The following ARNT2 variants were observed in gnomAD, a reference collection of about 807,000 sequenced individuals.
ARNT2 encodes aryl hydrocarbon receptor nuclear translocator 2.
In ARNT2, 36 loss-of-function variants were observed where a neutral mutation model predicts 91.7. The ratio of observed to expected loss-of-function variants is 0.39; its 90% CI spans 0.30 to 0.52. The LOEUF is 0.52. ARNT2 is among the 20% of genes least tolerant of loss of function. The pLI is 0.72. For missense variants in ARNT2, 775 were observed against 939.3 expected (o/e 0.83, Z 2.29); for synonymous variants, 365 against 347.1 (o/e 1.05, Z -0.57).
chr15:80,475,847 A>G (rs74027984), intron 5 of ARNT2, among the ~76,000 whole-genome samples: 9,991 of 152,270 alleles, frequency 0.066, 775 homozygotes, highest in African/African-American at 0.18. Context: ...GACCATAAAC[A>G]TTCATTACCC....
chr15:80,568,287 C>T (rs1047853430), intron 12 of ARNT2, among the ~76,000 whole-genome samples: 18 of 152,316 alleles, frequency 1.2e-4, no homozygotes, highest in African/African-American at 2.6e-4. Flanking sequence ...TACATGGGCA[C>T]GACCTAGCTG....
intron 5 of ARNT2, among the ~76,000 whole-genome samples, chr15:80,504,926 G>A (rs551768586): frequency 5.5e-4 from 84 of 152,288 alleles, no homozygotes; most frequent in South Asian, 2.9e-3. Flanking sequence ...GGATGGCATA[G>A]GGTGAGGAGG....
chr15:80,559,488 G>A (rs992081302), intron 11 of ARNT2, among the ~76,000 whole-genome samples: 2 of 152,212 alleles, frequency 1.3e-5, no homozygotes, highest in Non-Finnish European at 1.5e-5. Context: ...AAAGGGAAGT[G>A]GCTTCTTCTT....
intron 5 of ARNT2, among the ~76,000 whole-genome samples, chr15:80,481,921 A>G (rs1896897512): frequency 6.6e-6 from 1 of 152,024 alleles, no homozygotes. Flanking sequence ...TTTTTTGTAG[A>G]GACAAGGTCT....
chr15:80,546,634 G>T (rs1371730640), intron 8 of ARNT2, among the ~76,000 whole-genome samples: 3 of 152,178 alleles, frequency 2.0e-5, no homozygotes, highest in South Asian at 2.1e-4. Context: ...ATCTCGACTA[G>T]AGACATAGTC....
chr15:80,407,028 A>C (rs769353984), intron 1 of ARNT2, among the ~76,000 whole-genome samples: 4 of 152,118 alleles, frequency 2.6e-5, no homozygotes, highest in Non-Finnish European at 5.9e-5. Flanking sequence ...CAAGCTTGTC[A>C]CCCAGAGCCT....
intron 17 of ARNT2, among the ~76,000 whole-genome samples, chr15:80,585,165 C>T (rs1223562629): frequency 6.6e-6 from 1 of 152,218 alleles, no homozygotes; most frequent in Non-Finnish European, 1.5e-5. Flanking sequence ...TTACTGCTGT[C>T]ATAATTGTGT....
intron 12 of ARNT2, among the ~76,000 whole-genome samples, chr15:80,567,825 T>C (rs1898514415): frequency 6.6e-6 from 1 of 152,166 alleles, no homozygotes; most frequent in Admixed American, 6.5e-5. Flanking sequence ...GTGAAGTTGG[T>C]TGGAAAAGTC....
intron 6 of ARNT2, among the ~76,000 whole-genome samples, chr15:80,513,071 A>G (rs1319612043): frequency 2.6e-5 from 4 of 152,356 alleles, no homozygotes; most frequent in South Asian, 2.1e-4. Context: ...TCAGAGTATA[A>G]CTAGACTCTT....
intron 17 of ARNT2, among the ~76,000 whole-genome samples, chr15:80,590,583 T>G (rs1235788381): frequency 6.6e-6 from 1 of 152,000 alleles, no homozygotes; most frequent in African/African-American, 2.4e-5. Context: ...AAAAAAAAAA[T>G]GTTTTTTAAT....
intron 8 of ARNT2, among the ~76,000 whole-genome samples, chr15:80,524,648 G>A (rs1043755225): frequency 2.6e-5 from 4 of 152,050 alleles, no homozygotes; most frequent in South Asian, 2.1e-4. Context: ...AGGCCGAGGC[G>A]GGCGATTCAT....
At chr15:80,462,544 A>C (rs1407212823) in intron 3 of ARNT2, among the ~76,000 whole-genome samples, 1 of 152,228 alleles carries the variant, frequency 6.6e-6, no homozygotes, top group East Asian at 1.9e-4. Flanking sequence ...CTTCAGACTC[A>C]TTCCACACCC....
chr15:80,446,468 T>C (rs1896306175), intron 1 of ARNT2, among the ~76,000 whole-genome samples: 1 of 152,180 alleles, frequency 6.6e-6, no homozygotes, highest in Non-Finnish European at 1.5e-5. Context: ...CATCTGGGCC[T>C]GTGATTGAGA....
At position 80,593,712 on chromosome 15, in the gene ARNT2, GA is replaced by G; in HGVS notation, c.*15del. 1 of 1,589,706 alleles carries G rather than the reference GA, an allele frequency of 6.3e-7. No individual in the cohort carries two copies. Among genetic ancestry groups the G allele is most frequent in the South Asian group, 1.1e-5 (1 of 88,076 alleles). ...TTTTCTGAGTAGCTGCGGCCAGAGT[GA>G]GGCTCCTGCTGTACAGTGCCACCCA... On this transcript the variant is annotated 3_prime_UTR_variant, in exon 19 of 19. Transcript: ENST00000303329.
chr15:80,502,885 G>T (rs1177482958), intron 5 of ARNT2, among the ~76,000 whole-genome samples: 3 of 152,164 alleles, frequency 2.0e-5, no homozygotes, highest in African/African-American at 7.2e-5. Context: ...CGGTTGTTTA[G>T]GCACTGACTA....
At chr15:80,506,023 G>A (rs946969583) in intron 5 of ARNT2, among the ~76,000 whole-genome samples, 10 of 140,274 alleles carry the variant, frequency 7.1e-5, no homozygotes, top group East Asian at 6.5e-4. Flanking sequence ...TGAAAGCTCC[G>A]CTTCCCGGGT....
chr15:80,536,531 A>T (rs1211868465), intron 8 of ARNT2, among the ~76,000 whole-genome samples: 1 of 152,142 alleles, frequency 6.6e-6, no homozygotes. Context: ...AGCTGCTGAT[A>T]TTCACCCGTG....
chr15:80,521,021 A>G (rs1897536225), intron 8 of ARNT2, among the ~76,000 whole-genome samples: 1 of 152,208 alleles, frequency 6.6e-6, no homozygotes, highest in Admixed American at 6.5e-5. Context: ...GTAATTCTCA[A>G]TTGCTGAAAA....
intron 5 of ARNT2, among the ~76,000 whole-genome samples, chr15:80,495,412 G>A (rs1282051397): frequency 6.6e-6 from 1 of 152,214 alleles, no homozygotes; most frequent in Non-Finnish European, 1.5e-5. Flanking sequence ...GGATATGAAT[G>A]CTAATCTTAC....
Sources: gnomAD v4.1 joint callset for allele counts (sites outside exome capture counted in the v4.1 genomes callset) on GRCh38, gnomAD v4.1.1 for gene constraint, MANE v1.5 for transcripts, NCBI Gene and HGNC (gene_info 2026-07-23, HGNC 2026-07-21) for gene names.